The following PIP5K1B variants were observed in gnomAD, a reference collection of about 807,000 sequenced individuals.
The protein encoded by PIP5K1B is phosphatidylinositol 4-phosphate 5-kinase type-1 beta.
In PIP5K1B, 42 loss-of-function variants were observed where a neutral mutation model predicts 67.0. That is an observed-to-expected ratio of 0.63 (90% CI 0.49 to 0.81). PIP5K1B has a LOEUF of 0.81. PIP5K1B is among the 30% of genes least tolerant of loss of function. The pLI, the probability that PIP5K1B is intolerant of heterozygous loss-of-function variation, is 0.00. For synonymous variants in PIP5K1B, 214 were observed against 231.4 expected (o/e 0.92, Z 0.68); for missense variants, 459 against 646.3 (o/e 0.71, Z 3.14).
intron 14 of PIP5K1B, among the ~76,000 whole-genome samples, chr9:68,962,323 T>C (rs1180672778): frequency 6.6e-6 from 1 of 152,246 alleles, no homozygotes; most frequent in African/African-American, 2.4e-5. Flanking sequence ...TTATTTTTCA[T>C]ATGCAAGTAG....
intron 2 of PIP5K1B, 46 bp downstream of exon 2, chr9:68,742,703 C>T (rs1171744667): frequency 1.3e-5 from 2 of 152,144 alleles, no homozygotes; most frequent in Admixed American, 6.5e-5. Flanking sequence ...TTATTCCCTT[C>T]GAGAGACCCA....
At chr9:68,987,282 G>A (rs1369967618) in intron 14 of PIP5K1B, among the ~76,000 whole-genome samples, 3 of 151,630 alleles carry the variant, frequency 2.0e-5, no homozygotes, top group Non-Finnish European at 4.4e-5. Flanking sequence ...TTAATGTTGG[G>A]GCCAGGCGTG....
At chr9:68,795,685 A>G (rs564445387) in intron 2 of PIP5K1B, among the ~76,000 whole-genome samples, 13 of 152,316 alleles carry the variant, frequency 8.5e-5, no homozygotes, top group Admixed American at 7.8e-4. Context: ...AACTCTTTCT[A>G]GGGAAATGGT....
At chr9:68,760,208 G>A (rs943626384) in intron 2 of PIP5K1B, among the ~76,000 whole-genome samples, 1 of 152,084 alleles carries the variant, frequency 6.6e-6, no homozygotes, top group Non-Finnish European at 1.5e-5. Flanking sequence ...TTTGGAATGG[G>A]TCATCCATCC....
intron 2 of PIP5K1B, chr9:68,786,084 TTTTAGAAATC>T (rs1831597981): frequency 6.6e-6 from 1 of 152,212 alleles, no homozygotes; most frequent in Admixed American, 6.5e-5. Context: ...TCCTTCCAGA[TTTTAGAAATC>T]TTGAGCTGTG....
At chr9:68,865,389 T>A (rs1260034224) in intron 5 of PIP5K1B, among the ~76,000 whole-genome samples, 1 of 152,198 alleles carries the variant, frequency 6.6e-6, no homozygotes, top group Non-Finnish European at 1.5e-5. Context: ...ATGATTTTTT[T>A]AGGCTCATAA....
intron 13 of PIP5K1B, among the ~76,000 whole-genome samples, chr9:68,936,424 T>G (rs1221918085): frequency 6.6e-6 from 1 of 152,182 alleles, no homozygotes; most frequent in African/African-American, 2.4e-5. Context: ...TCAAATACTT[T>G]ATCTGCCAAG....
chr9:68,800,505 G>T (rs1352077165), intron 2 of PIP5K1B, among the ~76,000 whole-genome samples: 2 of 152,128 alleles, frequency 1.3e-5, no homozygotes, highest in Non-Finnish European at 2.9e-5. Context: ...ACTGATGTAA[G>T]AAGGCCTTGA....
chr9:68,955,262 A>G (rs1828326004), intron 14 of PIP5K1B, among the ~76,000 whole-genome samples: 1 of 152,258 alleles, frequency 6.6e-6, no homozygotes, highest in Non-Finnish European at 1.5e-5. Flanking sequence ...AAGGCATTCC[A>G]AAAGTGACAA....
intron 14 of PIP5K1B, among the ~76,000 whole-genome samples, chr9:68,981,676 G>T (rs1829886609): frequency 6.6e-6 from 1 of 152,176 alleles, no homozygotes; most frequent in South Asian, 2.1e-4. Context: ...CACTCATTAG[G>T]TCTGCAAACA....
At chr9:68,946,486 G>A (rs1443434447) in intron 14 of PIP5K1B, among the ~76,000 whole-genome samples, 1 of 151,806 alleles carries the variant, frequency 6.6e-6, no homozygotes, top group East Asian at 1.9e-4. Context: ...TCCACCTCCC[G>A]GGTTCAAGCA....
intron 2 of PIP5K1B, among the ~76,000 whole-genome samples, chr9:68,754,367 C>T (rs1384814145): frequency 6.6e-6 from 1 of 151,650 alleles, no homozygotes; most frequent in South Asian, 2.1e-4. Flanking sequence ...GACGGGGTTT[C>T]ACCGTGTTAG....
At chr9:68,868,285 A>G (rs750784509) in intron 5 of PIP5K1B, among the ~76,000 whole-genome samples, 3 of 152,256 alleles carry the variant, frequency 2.0e-5, no homozygotes, top group African/African-American at 4.8e-5. Flanking sequence ...AGCTTGTACC[A>G]TGTAAACAAG....
At chr9:68,805,681 A>G (rs1050405272) in intron 2 of PIP5K1B, among the ~76,000 whole-genome samples, 1 of 152,126 alleles carries the variant, frequency 6.6e-6, no homozygotes, top group Middle Eastern at 3.2e-3. Flanking sequence ...ATCACCTGTC[A>G]CATTAGGGTG....
chr9:68,843,427 T>G (rs1465056952), intron 4 of PIP5K1B, among the ~76,000 whole-genome samples: 1 of 152,260 alleles, frequency 6.6e-6, no homozygotes. Flanking sequence ...AATTTCCATA[T>G]TTGGGGGTTT....
chr9:68,756,269 GA>G (rs1343625718), intron 2 of PIP5K1B, among the ~76,000 whole-genome samples: 4 of 152,126 alleles, frequency 2.6e-5, no homozygotes, highest in Non-Finnish European at 4.4e-5. Flanking sequence ...TTCCAAAGCC[GA>G]AAAAGGAAGA....
intron 2 of PIP5K1B, among the ~76,000 whole-genome samples, chr9:68,811,419 G>A (rs1272365381): frequency 2.6e-5 from 4 of 152,068 alleles, no homozygotes; most frequent in Admixed American, 6.6e-5. Flanking sequence ...TGGTCTCTGG[G>A]AGCCATAGAC....
At chr9:68,905,442 T>A (rs1210574974) in intron 8 of PIP5K1B, among the ~76,000 whole-genome samples, 1 of 94,790 alleles carries the variant, frequency 1.1e-5, no homozygotes, top group African/African-American at 6.4e-5. Context: ...AAAAGAGATG[T>A]TAGGGGCAGC....
chr9:68,838,669 G>A (rs553207138), intron 4 of PIP5K1B, among the ~76,000 whole-genome samples: 1 of 152,240 alleles, frequency 6.6e-6, no homozygotes, highest in South Asian at 2.1e-4. Flanking sequence ...TGGGGTGACA[G>A]GATTGATTGC....
Sources: allele counts gnomAD v4.1 joint callset (sites outside exome capture counted in the v4.1 genomes callset), GRCh38; gene constraint gnomAD v4.1.1; transcripts MANE v1.5; gene names NCBI Gene and HGNC (gene_info 2026-07-23, HGNC 2026-07-21).